The following LRP1 variants were observed in gnomAD, a reference collection of about 807,000 sequenced individuals.
LRP1 encodes the protein LDL receptor related protein 1.
In LRP1, 51 loss-of-function variants were observed where a neutral mutation model predicts 541.5. The ratio of observed to expected loss-of-function variants is 0.09; its 90% CI spans 0.08 to 0.12. The LOEUF (loss-of-function observed/expected upper bound fraction) is 0.12, where lower values mean the gene tolerates loss of function less well. Ranked by LOEUF, LRP1 falls within the 10% of genes least tolerant of loss-of-function variation. LRP1 has a pLI of 1.00. For missense variants in LRP1, 3,878 were observed against 6,376.2 expected, an observed-to-expected ratio of 0.61 and a Z score of 13.34; for synonymous variants, 2,219 against 2,470.8, an observed-to-expected ratio of 0.90 and a Z score of 3.02.
chr12:57,172,210 G>A (rs1339049437), intron 20 of LRP1, among the ~76,000 whole-genome samples: 6 of 150,488 alleles, frequency 4.0e-5, no homozygotes, highest in East Asian at 3.9e-4. Context: ...TCTCTCTGTC[G>A]CCCAGGCTGG....
chr12:57,194,087 C>A, intron 48 of LRP1, 75 bp downstream of exon 48: 1 of 1,316,506 alleles, frequency 7.6e-7, no homozygotes, highest in Non-Finnish European at 1.1e-6. Context: ...TCAGGCCCTC[C>A]TGCACCTGCC....
In LRP1 at chr12:57,197,372, G is replaced by A. The variant is rs201119903; in HGVS notation, c.9150G>A (p.Thr3050=). Residue 3050 remains threonine (T), a synonymous_variant, in exon 57 of 89, where the codon ACG becomes ACA. Coordinates refer to ENST00000243077, the MANE Select transcript of LRP1 (RefSeq NM_002332.3). The surrounding 1 kb of genome is among the most constrained non-coding windows in gnomAD (Gnocchi z 4.5). ...TCAACCTGGACGGGTCCAACTACAC[G>A]TTACTTAAGCAGGTACCAAACCCAG... is the stretch of plus-strand genomic sequence containing the variant. The part of the protein sequence containing the change: ...RKLNLDGSNY[T]LLKQGLNNAV... 181 of 1,613,140 alleles carry A rather than the reference G, an allele frequency of 1.1e-4. 2 individuals carry two copies. In the East Asian group the frequency reaches 3.2e-3, roughly 29 times the overall value.
chr12:57,131,292 A>C (rs2035033781), intron 1 of LRP1, among the ~76,000 whole-genome samples: 1 of 152,084 alleles, frequency 6.6e-6, no homozygotes, highest in Non-Finnish European at 1.5e-5. Flanking sequence ...TTGGGGAGTA[A>C]CGTCACTCCC....
chr12:57,186,465 G>A (rs1193876753), intron 41 of LRP1, among the ~76,000 whole-genome samples: 2 of 152,118 alleles, frequency 1.3e-5, no homozygotes, highest in African/African-American at 2.4e-5. Context: ...GGTTACCACC[G>A]GGTCCCTTGA....
intron 22 of LRP1, 128 bp downstream of exon 22, chr12:57,174,108 G>A (rs1000430142): frequency 1.1e-6 from 1 of 942,674 alleles, no homozygotes; most frequent in Non-Finnish European, 1.6e-6. Context: ...GCAGCACCCA[G>A]AGTGGTCACC....
chr12:57,191,855 ACC>A (rs1565743826), intron 44 of LRP1, among the ~76,000 whole-genome samples: 1 of 40,182 alleles, frequency 2.5e-5, no homozygotes, highest in East Asian at 9.6e-4. Context: ...CACACCACAC[ACC>A]ACATACACAC....
chr12:57,208,472 G>C, intron 77 of LRP1: 1 of 594,394 alleles, frequency 1.7e-6, no homozygotes, highest in Non-Finnish European at 3.0e-6. Context: ...GCCACACTCT[G>C]CCCTGGGGAA....
rs1464147501 is a variant in LRP1, at chr12:57,178,422, C to T, written c.4425C>T (p.His1475=). 4 of 1,614,220 alleles carry T rather than the reference C, an allele frequency of 2.5e-6. No individual in the cohort carries two copies. Among genetic ancestry groups the T allele is most frequent in the Admixed American group, 1.7e-5 (1 of 60,036 alleles). Residue 1475 remains histidine, a synonymous_variant, in exon 27 of 89, where the codon CAC becomes CAT. Transcript: ENST00000243077. This position sits in a 1 kb window ranked among gnomAD's most constrained non-coding sequence, Gnocchi z 5.8. Reference sequence around the variant, plus strand: ...GCCACATGGAGGTGCTTCGGGGACACGAGTTCCTGTCGCACCCGTTTGCAG... The same window carrying T: ...GCCACATGGAGGTGCTTCGGGGACATGAGTTCCTGTCGCACCCGTTTGCAG... ...GSGHMEVLRG[H]EFLSHPFAVT... is the part of the protein sequence containing the mutation.
Position 57,183,441 on chromosome 12 carries a change from A to G in LRP1, c.5725A>G (p.Asn1909Asp). Residue 1909 changes from asparagine to aspartate, a missense_variant, in exon 35 of 89, where the codon AAT becomes GAT. By Grantham distance (23) the Asn-to-Asp change is conservative (BLOSUM62 1). Coordinates refer to ENST00000243077, the MANE Select transcript of LRP1 (RefSeq NM_002332.3). The surrounding 1 kb of genome is among the most constrained non-coding windows in gnomAD (Gnocchi z 6.1). ...EGIRGIPLDP[N>D]DKSDALVPVS... is the part of the protein sequence containing the mutation. ...AATCAGGGGAATTCCCCTGGATCCCAATGACAAGTCAGATGCCCTGGTCCC... is the reference window on the plus strand; with the variant it reads ...AATCAGGGGAATTCCCCTGGATCCCGATGACAAGTCAGATGCCCTGGTCCC... 1.9e-6 allele frequency: 3 copies of G among 1,614,176 alleles called. No homozygotes were observed. Among genetic ancestry groups the G allele is most frequent in the Non-Finnish European group, 2.5e-6 (3 of 1,180,002 alleles).
chr12:57,164,980 C>G (rs904135978), intron 15 of LRP1: 2 of 152,342 alleles, frequency 1.3e-5, no homozygotes, highest in Admixed American at 6.5e-5. Flanking sequence ...AAAACCCTTA[C>G]AGATGACAGG....
At chr12:57,193,713 T>C (rs1159608038) in intron 47 of LRP1, 28 bp downstream of exon 47, 4 of 1,613,988 alleles carry the variant, frequency 2.5e-6, no homozygotes, top group Middle Eastern at 1.7e-4. Flanking sequence ...GCATAACCCA[T>C]CTGTACCTCA....
chr12:57,211,955 G>A lies in LRP1; in HGVS notation c.13287G>A (p.Leu4429=), dbSNP rs368392748. 57 of 1,614,070 alleles carry A rather than the reference G, an allele frequency of 3.5e-5. No individual in the cohort carries two copies. The highest frequency in any genetic ancestry group is 4.5e-5 in the Non-Finnish European group (53 of 1,180,040). ...GHIASILIPL[L]LLLLLVLVAG... is the part of the protein sequence containing the mutation. ...TAGCCTCCATCCTAATCCCTCTGCT[G>A]TTGCTGCTGCTGCTGGTTCTGGTGG... The change falls in exon 87 of 89, where the codon CTG becomes CTA. Residue 4429 remains leucine (L), a synonymous_variant. Coordinates refer to ENST00000243077, the MANE Select transcript of LRP1 (RefSeq NM_002332.3). The surrounding 1 kb of genome is among the most constrained non-coding windows in gnomAD (Gnocchi z 4.3).
chr12:57,201,739 G>A lies in LRP1; in HGVS notation c.10469-41G>A, dbSNP rs775286318. On this transcript the variant is annotated intron_variant, in intron 66 of 88. Transcript: ENST00000243077. The surrounding 1 kb of genome is among the most constrained non-coding windows in gnomAD (Gnocchi z 6.4). ...CTCCCCACCCTCCCGGCACACTCCT[G>A]GAAGGAGTCTCATCCTCACCCCATG... The A allele has an allele frequency of 2.5e-6, 4 of 1,610,442 alleles. No individual in the cohort carries two copies. The South Asian group carries it at 3.3e-5, about 13-fold the overall frequency.
chr12:57,154,103 T>C lies in LRP1; in HGVS notation c.842-105T>C. ...CATGGGGGTGTTGGGTGGGAGGGCG[T>C]CCAGAGAAGGTGGGCTTCCAGGTGT... On this transcript the variant is annotated intron_variant, in intron 6 of 88. Coordinates refer to ENST00000243077, the MANE Select transcript of LRP1 (RefSeq NM_002332.3). This position sits in a 1 kb window ranked among gnomAD's most constrained non-coding sequence, Gnocchi z 4.6. The C allele has an allele frequency of 7.5e-6, 8 of 1,067,566 alleles. No homozygotes were observed. Among genetic ancestry groups the C allele is most frequent in the Non-Finnish European group, 1.1e-5 (8 of 709,310 alleles). The allele number at this position is 1,067,566 out of a possible 1,614,324, so 66.1% of individuals were successfully genotyped here.
intron 68 of LRP1, 187 bp from the exon 69 acceptor site, chr12:57,202,994 C>T (rs924510458): frequency 3.4e-6 from 2 of 588,088 alleles, no homozygotes; most frequent in African/African-American, 1.9e-5. Flanking sequence ...AAGTGCGAGC[C>T]CGCCTGTGCC....
chr12:57,173,024 G>A lies in LRP1; in HGVS notation c.3164-144G>A. 1 of 620,328 alleles carries A rather than the reference G, an allele frequency of 1.6e-6. No individual in the cohort carries two copies. The highest frequency in any genetic ancestry group is 2.8e-6 in the Non-Finnish European group (1 of 362,042). 38.4% of individuals were successfully genotyped at this position (620,328 alleles called of 1,614,324 possible). ...ACTACTGAGTTGGTGCTTCCAAGGA[G>A]TGTCAGCAAAGCTTGGCAGACTCTC... On this transcript the variant is annotated intron_variant, in intron 20 of 88. Coordinates refer to ENST00000243077, the MANE Select transcript of LRP1 (RefSeq NM_002332.3). This position sits in a 1 kb window ranked among gnomAD's most constrained non-coding sequence, Gnocchi z 4.7.
intron 6 of LRP1, chr12:57,149,786 G>A: frequency 2.8e-6 from 2 of 706,840 alleles, no homozygotes; most frequent in Non-Finnish European, 5.2e-6. Context: ...AGGAAACAAG[G>A]AGCATGAGGC....
chr12:57,141,604 G>GGACA, intron 3 of LRP1, 93 bp downstream of exon 3: 1 of 1,482,956 alleles, frequency 6.7e-7, no homozygotes, highest in Non-Finnish European at 9.3e-7. Context: ...CAGTGGGGAT[G>GGACA]AGGCCTTGTC....
At chr12:57,176,274 G>A (rs777002968) in intron 24 of LRP1, among the ~76,000 whole-genome samples, 168 bp downstream of exon 24, 3 of 152,240 alleles carry the variant, frequency 2.0e-5, no homozygotes, top group South Asian at 2.1e-4. Context: ...CTGACGCCCC[G>A]TAATTATCGT....
Sources: gnomAD v4.1 joint callset for allele counts (sites outside exome capture counted in the v4.1 genomes callset) on GRCh38, gnomAD v4.1.1 for gene constraint, Gnocchi (gnomAD v3.1) non-coding constraint, MANE v1.5 for transcripts, NCBI Gene and HGNC (gene_info 2026-07-23, HGNC 2026-07-21) for gene names.